Variants in FGF14 observed in about 807,000 individuals in gnomAD.
FGF14 encodes the protein fibroblast growth factor 14.
Under a neutral mutation model 25.5 loss-of-function variants are expected in FGF14, and 5 were observed. That is an observed-to-expected ratio of 0.20 (90% CI 0.10 to 0.41). The LOEUF (loss-of-function observed/expected upper bound fraction) is 0.41, where lower values mean the gene tolerates loss of function less well. Ranked by LOEUF, FGF14 falls within the 10% of genes least tolerant of loss-of-function variation. The probability of loss-of-function intolerance (pLI) is 1.00; values close to 1 mark genes in which losing one functional copy is unlikely to be tolerated. For synonymous variants in FGF14, 138 were observed against 118.3 expected (o/e 1.17, Z -1.08); for missense variants, 222 against 320.1 (o/e 0.69, Z 2.34).
intron 4 of FGF14, among the ~76,000 whole-genome samples, chr13:101,725,426 G>A (rs957859600): frequency 1.3e-4 from 19 of 151,832 alleles, no homozygotes; most frequent in African/African-American, 4.3e-4. Flanking sequence ...CTAACTGTTT[G>A]GGTTTCAATA....
At chr13:101,818,009 C>T (rs577565594) in intron 3 of FGF14, among the ~76,000 whole-genome samples, 1 of 152,280 alleles carries the variant, frequency 6.6e-6, no homozygotes, top group Non-Finnish European at 1.5e-5. Flanking sequence ...TTCAGTCAGT[C>T]AAGATGCATC....
chr13:102,052,177 A>C (rs1471297498), intron 1 of FGF14, among the ~76,000 whole-genome samples: 1 of 152,180 alleles, frequency 6.6e-6, no homozygotes, highest in Non-Finnish European at 1.5e-5. Flanking sequence ...CTATATACTC[A>C]AAGACAGGTT....
chr13:101,884,328 T>C (rs537337639), intron 1 of FGF14, among the ~76,000 whole-genome samples: 3 of 151,984 alleles, frequency 2.0e-5, no homozygotes, highest in Non-Finnish European at 2.9e-5. Flanking sequence ...GGGAAAACCG[T>C]GTAAGAAAAT....
intron 1 of FGF14, among the ~76,000 whole-genome samples, chr13:102,312,573 T>G (rs927186401): frequency 6.6e-6 from 1 of 152,194 alleles, no homozygotes; most frequent in South Asian, 2.1e-4. Context: ...CAAACACTTA[T>G]GAATGGCATT....
rs193214679 is a variant in FGF14, at chr13:102,276,672, A to T, written c.208+124799T>A. On this transcript the variant is annotated intron_variant, in intron 1 of 4. Transcript: ENST00000376131. ...GTCTTCTTTCTGAAACAGTATAAAC[A>T]AACTACAAAGAGATGTGTGTTTGAG... Among the ~76,000 whole-genome samples, 253 of 152,264 alleles carry T rather than the reference A, an allele frequency of 1.7e-3. 1 individual carries two copies. Among genetic ancestry groups the T allele is most frequent in the African/African-American group, 5.7e-3 (238 of 41,558 alleles).
At chr13:102,157,267 G>C (rs923134174) in intron 1 of FGF14, among the ~76,000 whole-genome samples, 1 of 152,128 alleles carries the variant, frequency 6.6e-6, no homozygotes, top group African/African-American at 2.4e-5. Context: ...ATACTACAAC[G>C]CTACAGTAAC....
rs186978667 is a variant in FGF14, at chr13:101,868,701, C to T, written c.408+24G>A. ...ATTTTACATGCATTGAACGAATGGC[C>T]GAGATCTTTGGCGTCTTACTTACTG... On this transcript the variant is annotated intron_variant, in intron 3 of 4. Coordinates refer to ENST00000376143, the MANE Select transcript of FGF14 (RefSeq NM_004115.4). The T allele has an allele frequency of 7.2e-3, 10,066 of 1,388,644 alleles. 71 individuals are homozygous for T. Among genetic ancestry groups the T allele is most frequent in the Admixed American group, 0.011 (664 of 59,712 alleles). 86.0% of individuals were successfully genotyped at this position (1,388,644 alleles called of 1,614,324 possible).
intron 1 of FGF14, among the ~76,000 whole-genome samples, chr13:102,128,559 G>C (rs1341279606): frequency 6.6e-6 from 1 of 152,164 alleles, no homozygotes; most frequent in Non-Finnish European, 1.5e-5. Context: ...ACCCCAATGT[G>C]AGTGCTAATT....
chr13:101,981,804 C>T (rs1157039544), intron 1 of FGF14, among the ~76,000 whole-genome samples: 1 of 152,178 alleles, frequency 6.6e-6, no homozygotes, highest in Non-Finnish European at 1.5e-5. Context: ...TCTTCAGACT[C>T]CTGGTGAAAC....
intron 1 of FGF14, among the ~76,000 whole-genome samples, chr13:102,244,652 G>T (rs2051770553): frequency 6.6e-6 from 1 of 151,916 alleles, no homozygotes; most frequent in African/African-American, 2.4e-5. Context: ...TGAAGATCAG[G>T]GTGCCATTTT....
chr13:101,764,886 G>C (rs1401130562), intron 3 of FGF14, among the ~76,000 whole-genome samples: 2 of 152,206 alleles, frequency 1.3e-5, no homozygotes, highest in African/African-American at 2.4e-5. Context: ...CCTTGGATGA[G>C]AATTAGCATT....
At chr13:102,358,298 C>T (rs1470952564) in intron 1 of FGF14, among the ~76,000 whole-genome samples, 1 of 152,238 alleles carries the variant, frequency 6.6e-6, no homozygotes, top group Non-Finnish European at 1.5e-5. Context: ...ATGACCTTCA[C>T]TGAGGGCCAT....
At chr13:102,212,564 T>TCTTCTC (rs1287788659) in intron 1 of FGF14, among the ~76,000 whole-genome samples, 1 of 152,172 alleles carries the variant, frequency 6.6e-6, no homozygotes, top group South Asian at 2.1e-4. Context: ...ACCATATCTC[T>TCTTCTC]CTTCTCCTTC....
intron 3 of FGF14, among the ~76,000 whole-genome samples, chr13:101,831,972 T>C (rs1483663480): frequency 1.3e-5 from 2 of 152,106 alleles, no homozygotes; most frequent in Non-Finnish European, 2.9e-5. Context: ...ATATCAGGTC[T>C]TAATCCCTGG....
At chr13:101,939,501 A>C (rs2035306167) in intron 1 of FGF14, among the ~76,000 whole-genome samples, 1 of 152,188 alleles carries the variant, frequency 6.6e-6, no homozygotes, top group Non-Finnish European at 1.5e-5. Context: ...CCTAACTCCT[A>C]CCTTAAGTAA....
chr13:101,711,467 G>T lies in FGF14; in HGVS notation c.*11364C>A, dbSNP rs750861242. ...CTCAGCCTGGTGTTCAAGTTGCCTC[G>T]CTCAATATGCCTGTGCAGTCAGACC... On this transcript the variant is annotated 3_prime_UTR_variant, in exon 5 of 5. Transcript: ENST00000376143. The T allele has an allele frequency of 6.6e-6, 1 of 152,244 alleles. No individual in the cohort carries two copies. Among genetic ancestry groups the T allele is most frequent in the Admixed American group, 6.5e-5 (1 of 15,280 alleles). 9.4% of individuals were successfully genotyped at this position (152,244 alleles called of 1,614,324 possible).
chr13:101,840,682 T>C (rs1406145001), intron 3 of FGF14, among the ~76,000 whole-genome samples: 2 of 152,018 alleles, frequency 1.3e-5, no homozygotes, highest in East Asian at 1.9e-4. Context: ...ATTTTGTGCA[T>C]GTATATCAAC....
chr13:101,816,898 A>G (rs1365341727), intron 3 of FGF14, among the ~76,000 whole-genome samples: 1 of 152,204 alleles, frequency 6.6e-6, no homozygotes, highest in African/African-American at 2.4e-5. Context: ...TGTAATGTTA[A>G]GCATACTTGT....
intron 1 of FGF14, among the ~76,000 whole-genome samples, chr13:102,132,021 T>C (rs1469484036): frequency 6.6e-6 from 1 of 152,158 alleles, no homozygotes; most frequent in African/African-American, 2.4e-5. Context: ...TTTTTTTGTT[T>C]TGTTTTGTTT....
Sources: gnomAD v4.1 joint callset for allele counts (sites outside exome capture counted in the v4.1 genomes callset) on GRCh38, gnomAD v4.1.1 for gene constraint, MANE v1.5 for transcripts, NCBI Gene and HGNC (gene_info 2026-07-23, HGNC 2026-07-21) for gene names.